STK32B: variants seen among roughly 807,000 people sequenced by gnomAD.
The protein encoded by STK32B is serine/threonine kinase 32B, also known as serine/threonine-protein kinase 32B.
Under a neutral mutation model 52.6 loss-of-function variants are expected in STK32B, and 43 were observed. That is an observed-to-expected ratio of 0.82 (90% CI 0.64 to 1.05). The LOEUF is 1.05. STK32B is among the 50% of genes least tolerant of loss of function. The pLI, the probability that STK32B is intolerant of heterozygous loss-of-function variation, is 0.00. For missense variants in STK32B, 621 were observed against 534.6 expected, an observed-to-expected ratio of 1.16 and a Z score of -1.59; for synonymous variants, 238 against 204.3, an observed-to-expected ratio of 1.17 and a Z score of -1.41.
rs545060756 is a variant in STK32B, at chr4:5,336,739, A to G, written c.434+5346A>G. Among the ~76,000 whole-genome samples, 7 of 152,344 alleles carry G rather than the reference A, an allele frequency of 4.6e-5. No individual in the cohort carries two copies. In the South Asian group the frequency reaches 1.5e-3, roughly 32 times the overall value. ...AAAGTTAAAGAATCTACAGATTTCA[A>G]CACAAGAAACAATAAAGAGAAAACA... On this transcript the variant is annotated intron_variant, in intron 4 of 11. Coordinates refer to ENST00000282908, the MANE Select transcript of STK32B (RefSeq NM_018401.3).
chr4:5,042,762 C>T, the STK32B span, among the ~76,000 whole-genome samples: 119 of 152,282 alleles, frequency 7.8e-4, no homozygotes, highest in African/African-American at 2.8e-3. Context: ...ATGCATGATC[C>T]CGTCCCTGAC....
At chr4:5,204,815 C>T (rs989831537) in intron 3 of STK32B, among the ~76,000 whole-genome samples, 5 of 152,162 alleles carry the variant, frequency 3.3e-5, no homozygotes, top group African/African-American at 1.2e-4. Flanking sequence ...GTTCTTCATC[C>T]TCCCTTATGG....
chr4:5,100,000 T>TAA (rs111555214), intron 1 of STK32B, among the ~76,000 whole-genome samples: 1,414 of 139,690 alleles, frequency 0.01, 24 homozygotes, highest in African/African-American at 0.034. Flanking sequence ...TTCAGTTCTT[T>TAA]AAAAAAAAAA....
intron 4 of STK32B, among the ~76,000 whole-genome samples, chr4:5,357,065 A>G (rs1348634809): frequency 1.4e-5 from 2 of 146,640 alleles, no homozygotes; most frequent in Non-Finnish European, 3.0e-5. Flanking sequence ...ACATATATAC[A>G]CACATATACA....
chr4:5,034,705 T>G, the STK32B span, among the ~76,000 whole-genome samples: 2 of 152,170 alleles, frequency 1.3e-5, no homozygotes, highest in African/African-American at 4.8e-5. Context: ...TATTCAGACA[T>G]CCCCACACTC....
chr4:5,105,625 G>A (rs1053205181), intron 1 of STK32B, among the ~76,000 whole-genome samples: 3 of 151,742 alleles, frequency 2.0e-5, no homozygotes, highest in Non-Finnish European at 4.4e-5. Context: ...GTGTAGTGGC[G>A]GGATCTTGGC....
At chr4:5,044,201 A>G in the STK32B span, among the ~76,000 whole-genome samples, 4 of 151,800 alleles carry the variant, frequency 2.6e-5, no homozygotes, top group African/African-American at 7.3e-5. Context: ...TGCCTTCTCC[A>G]TCTCCCTGGC....
intron 3 of STK32B, among the ~76,000 whole-genome samples, chr4:5,173,000 C>G (rs568428080): frequency 6.6e-6 from 1 of 152,256 alleles, no homozygotes; most frequent in East Asian, 1.9e-4. Context: ...TGTTATTGGT[C>G]TATTCAGAGA....
chr4:5,058,641 C>T lies in STK32B; in HGVS notation c.52+6726C>T, dbSNP rs1321493902. Among the ~76,000 whole-genome samples the T allele has an allele frequency of 6.6e-6, 1 of 152,196 alleles. No homozygotes were observed. Among genetic ancestry groups the T allele is most frequent in the Non-Finnish European group, 1.5e-5 (1 of 68,034 alleles). ...GCAGTGGTGTGATTGTGACTCACTGCAGCCTCAACCTCCCCGGCTCAAGCA... is the reference window on the plus strand; with the variant it reads ...GCAGTGGTGTGATTGTGACTCACTGTAGCCTCAACCTCCCCGGCTCAAGCA... On this transcript the variant is annotated intron_variant, in intron 1 of 11. Transcript: ENST00000282908. This position sits in a 1 kb window ranked among gnomAD's most constrained non-coding sequence, Gnocchi z 4.8.
chr4:5,020,149 G>A, the STK32B span, among the ~76,000 whole-genome samples: 5 of 152,226 alleles, frequency 3.3e-5, no homozygotes, highest in Non-Finnish European at 7.3e-5. Flanking sequence ...CCCCGAGGGA[G>A]AGCAGACCCT....
chr4:5,476,908 C>T (rs1718284187), intron 11 of STK32B, among the ~76,000 whole-genome samples: 1 of 151,662 alleles, frequency 6.6e-6, no homozygotes, highest in Admixed American at 6.6e-5. Flanking sequence ...GATGCCGCCA[C>T]CAGATTGGTG....
intron 11 of STK32B, among the ~76,000 whole-genome samples, chr4:5,468,557 T>A (rs1474587117): frequency 6.6e-6 from 1 of 152,168 alleles, no homozygotes; most frequent in Non-Finnish European, 1.5e-5. Flanking sequence ...TGGAAGGGGT[T>A]CTCAACACGG....
intron 3 of STK32B, among the ~76,000 whole-genome samples, chr4:5,247,222 C>G (rs112803699): frequency 2.0e-5 from 3 of 152,162 alleles, no homozygotes; most frequent in African/African-American, 4.8e-5. Context: ...CGGCTCCACC[C>G]AGTTTGAGCT....
chr4:5,458,438 A>G (rs1211918402), intron 8 of STK32B: 1 of 152,240 alleles, frequency 6.6e-6, no homozygotes, highest in African/African-American at 2.4e-5. Context: ...AAGTGTCACT[A>G]TCCCAGTACC....
chr4:5,485,376 G>A (rs780467091), intron 11 of STK32B, among the ~76,000 whole-genome samples: 5 of 151,862 alleles, frequency 3.3e-5, no homozygotes, highest in Non-Finnish European at 7.4e-5. Flanking sequence ...CCAGTTGATC[G>A]AATCGGCTAC....
intron 6 of STK32B, among the ~76,000 whole-genome samples, chr4:5,439,445 G>A (rs1029852563): frequency 1.4e-4 from 22 of 151,798 alleles, no homozygotes; most frequent in African/African-American, 5.3e-4. Flanking sequence ...CTTTTTGATG[G>A]GGTTGTTTGT....
chr4:5,110,980 A>AAG (rs1337237674), intron 1 of STK32B, among the ~76,000 whole-genome samples: 2 of 152,198 alleles, frequency 1.3e-5, no homozygotes, highest in East Asian at 3.9e-4. Context: ...TTGAAAAAAA[A>AAG]AAGAAATATA....
At chr4:5,090,370 C>CTTTTTTTTTTTTTTTTTTTTTTTTTTTTT (rs754643704) in intron 1 of STK32B, among the ~76,000 whole-genome samples, 1 of 56,544 alleles carries the variant, frequency 1.8e-5, no homozygotes, top group African/African-American at 5.7e-5. Flanking sequence ...TTTAATCCAT[C>CTTTTTTTTTTTTTTTTTTTTTTTTTTTTT]TTTTTTTTTT....
rs866741405 is a variant in STK32B, at chr4:5,494,837, C to T, written c.1107-4108C>T. 2.9e-4 allele frequency among the ~76,000 whole-genome samples: 44 copies of T among 152,278 alleles called. 1 individual carries two copies. In the Middle Eastern group the frequency reaches 0.014, roughly 47 times the overall value. ...TTTTATTTCTCCTTCACTTTTGAAG[C>T]TTAGTTTGGCGGGATATGAAATTCT... On this transcript the variant is annotated intron_variant, in intron 11 of 11. Coordinates refer to ENST00000282908, the MANE Select transcript of STK32B (RefSeq NM_018401.3).
Sources: gnomAD v4.1 joint callset for allele counts (sites outside exome capture counted in the v4.1 genomes callset) on GRCh38, gnomAD v4.1.1 for gene constraint, Gnocchi (gnomAD v3.1) non-coding constraint, MANE v1.5 for transcripts, NCBI Gene and HGNC (gene_info 2026-07-23, HGNC 2026-07-21) for gene names.